Variants in IGSF9B observed in about 807,000 individuals in gnomAD.
The protein encoded by IGSF9B is immunoglobulin superfamily member 9B, also known as protein turtle homolog B.
Under a neutral mutation model 143.7 loss-of-function variants are expected in IGSF9B, and 48 were observed. The observed-to-expected ratio is 0.33, with a 90% CI of 0.26 to 0.42. The LOEUF (loss-of-function observed/expected upper bound fraction) is 0.42, where lower values mean the gene tolerates loss of function less well. Ranked by LOEUF, IGSF9B falls within the 20% of genes least tolerant of loss-of-function variation. IGSF9B has a pLI of 1.00. For missense variants in IGSF9B, 1,706 were observed against 1,980.0 expected (o/e 0.86, Z 2.63); for synonymous variants, 903 against 833.1 (o/e 1.08, Z -1.44).
rs372373214 is a variant in IGSF9B at position 133,953,303 on chromosome 11, G to A, written c.64+3388C>T. Among the ~76,000 whole-genome samples, 2 of 152,338 alleles carry A rather than the reference G, an allele frequency of 1.3e-5. No homozygotes were observed. Among genetic ancestry groups the A allele is most frequent in the African/African-American group, 4.8e-5 (2 of 41,584 alleles). Reference sequence around the variant, plus strand: ...CATGCAGGGCCACAGGCCCGCGGCTGAAAGCTGATTGCCCTCTGCCCCTCA... The same window carrying A: ...CATGCAGGGCCACAGGCCCGCGGCTAAAAGCTGATTGCCCTCTGCCCCTCA... On this transcript the variant is annotated intron_variant, in intron 1 of 19. Transcript: ENST00000533871. The surrounding 1 kb of genome is among the most constrained non-coding windows in gnomAD (Gnocchi z 4.2).
Position 133,935,860 on chromosome 11 carries a change from CCCATGCCCCTGGCATCCCCAGGG to C in IGSF9B, c.822-121_822-99del, listed in dbSNP as rs1939813206. 5.2e-5 allele frequency: 77 copies of C among 1,474,412 alleles called. No individual in the cohort carries two copies. In the South Asian group the frequency reaches 9.4e-4, roughly 18 times the overall value. 91.3% of individuals were successfully genotyped at this position (1,474,412 alleles called of 1,614,324 possible). A position where few individuals can be genotyped will look rare whatever the true frequency, so the allele number is the denominator to read the frequency against. The stretch of plus-strand genomic sequence containing the variant: ...ACTGCCCCAGATGTGGCATGGAGAG[CCCATGCCCCTGGCATCCCCAGGG>C]CCCCTCCATGCAGACCCTGGCCTTG... On this transcript the variant is annotated intron_variant, in intron 6 of 19. Transcript: ENST00000533871.
chr11:133,951,991 C>A, intron 1 of IGSF9B: 2 of 451,178 alleles, frequency 4.4e-6, no homozygotes, highest in Non-Finnish European at 4.5e-6. Flanking sequence ...CGGGGGCACA[C>A]ACGACCAGGA....
At chr11:133,910,162 C>T (rs1261296126) in intron 19 of IGSF9B, among the ~76,000 whole-genome samples, 1 of 152,082 alleles carries the variant, frequency 6.6e-6, no homozygotes, top group Non-Finnish European at 1.5e-5. Flanking sequence ...AATCTGGTTA[C>T]GATGGGGAGG....
Position 133,903,597 on chromosome 11 carries a change from A to G in IGSF9B, c.*5472T>C, listed in dbSNP as rs1939172722. 6.6e-6 allele frequency among the ~76,000 whole-genome samples: 1 copy of G among 152,188 alleles called. No individual in the cohort carries two copies. The highest frequency in any genetic ancestry group is 2.1e-4 in the South Asian group (1 of 4,830). On this transcript the variant is annotated 3_prime_UTR_variant, in exon 20 of 20. Coordinates refer to ENST00000533871, the MANE Select transcript of IGSF9B (RefSeq NM_001277285.4). ...GATGCTTCATTTATCCTTATCCTACATGGGATCCCTCAGGGGATGGTGGTG... is the reference window on the plus strand; with the variant it reads ...GATGCTTCATTTATCCTTATCCTACGTGGGATCCCTCAGGGGATGGTGGTG...
chr11:133,951,076 G>T (rs1343925257), intron 1 of IGSF9B, among the ~76,000 whole-genome samples: 1 of 152,118 alleles, frequency 6.6e-6, no homozygotes, highest in Non-Finnish European at 1.5e-5. Flanking sequence ...CAGGAAGCCG[G>T]CAGACCCGGG....
Position 133,909,780 on chromosome 11 carries a change from C to A in IGSF9B, c.4106-503G>T, listed in dbSNP as rs958731907. Among the ~76,000 whole-genome samples, 2 of 152,230 alleles carry A rather than the reference C, an allele frequency of 1.3e-5. No individual in the cohort carries two copies. Among genetic ancestry groups the A allele is most frequent in the Admixed American group, 6.5e-5 (1 of 15,284 alleles). On this transcript the variant is annotated intron_variant, in intron 19 of 19. Transcript: ENST00000533871. This position sits in a 1 kb window ranked among gnomAD's most constrained non-coding sequence, Gnocchi z 4.2. ...CCCTTCTGGAGATTAATCAGGAATG[C>A]CTTTGCTAGCTTCAAAGACTATGCA...
Position 133,926,905 on chromosome 11 carries a change from C to T in IGSF9B, c.1807+11G>A, listed in dbSNP as rs778896182. The T allele has an allele frequency of 7.7e-6, 12 of 1,568,440 alleles. No homozygotes were observed. The highest frequency in any genetic ancestry group is 2.3e-5 in the East Asian group (1 of 42,678). On this transcript the variant is annotated intron_variant, in intron 13 of 19. Transcript: ENST00000533871. ...AACCCCCGCTCCCAACATCCCACCC[C>T]GGGCCCTCACCTAAAGTGTTCACAG...
At chr11:133,942,490 G>T (rs1038021064) in intron 3 of IGSF9B, among the ~76,000 whole-genome samples, 2 of 152,172 alleles carry the variant, frequency 1.3e-5, no homozygotes, top group African/African-American at 4.8e-5. Context: ...ACATAAAATT[G>T]AAGTGAGATT....
In IGSF9B at chr11:133,913,485, A is replaced by C. The variant is rs1028463403; in HGVS notation, c.3984-1478T>G. Among the ~76,000 whole-genome samples the C allele has an allele frequency of 6.6e-6, 1 of 152,220 alleles. No homozygotes were observed. On this transcript the variant is annotated intron_variant, in intron 18 of 19. Coordinates refer to ENST00000533871, the MANE Select transcript of IGSF9B (RefSeq NM_001277285.4). The surrounding 1 kb of genome is among the most constrained non-coding windows in gnomAD (Gnocchi z 4.6). ...ATGCACTGGCAATGCAGTGACCTCCATCTTCCTGGGGGATGTCATCATTCT... is the reference window on the plus strand; with the variant it reads ...ATGCACTGGCAATGCAGTGACCTCCCTCTTCCTGGGGGATGTCATCATTCT...
intron 3 of IGSF9B, among the ~76,000 whole-genome samples, chr11:133,941,878 T>C (rs544504169): frequency 6.6e-6 from 1 of 152,258 alleles, no homozygotes; most frequent in African/African-American, 2.4e-5. Flanking sequence ...CCTAGCCAGG[T>C]CTCTGAAGAG....
rs769165464 is a variant in IGSF9B, at chr11:133,901,968, TCA to T, written c.*7099_*7100del. ...ACACATCACACACATGCACACCGCATCACACACATGCACACCAGACACATCAC... is the reference window on the plus strand; with the variant it reads ...ACACATCACACACATGCACACCGCATCACACATGCACACCAGACACATCAC... On this transcript the variant is annotated 3_prime_UTR_variant, in exon 20 of 20. Transcript: ENST00000533871. 3.8e-5 allele frequency among the ~76,000 whole-genome samples: 4 copies of T among 104,456 alleles called. No individual in the cohort carries two copies. Among genetic ancestry groups the T allele is most frequent in the Non-Finnish European group, 5.7e-5 (3 of 52,462 alleles). 68.5% of individuals were successfully genotyped at this position (104,456 alleles called of 152,430 possible). A position where few individuals can be genotyped will look rare whatever the true frequency, so the allele number is the denominator to read the frequency against.
At chr11:133,949,692 T>C (rs1263787803) in intron 1 of IGSF9B, among the ~76,000 whole-genome samples, 1 of 105,104 alleles carries the variant, frequency 9.5e-6, no homozygotes, top group South Asian at 3.0e-4. Context: ...AGAGCCTGGG[T>C]GGGGGCAGAT....
chr11:133,939,947 ACACCT>A (rs1359479962), intron 3 of IGSF9B, among the ~76,000 whole-genome samples: 2 of 144,680 alleles, frequency 1.4e-5, no homozygotes, highest in African/African-American at 5.2e-5. Context: ...GCAAAAACAC[ACACCT>A]CGCATGTCCT....
intron 1 of IGSF9B, among the ~76,000 whole-genome samples, chr11:133,954,924 CTTCT>C (rs1345157177): frequency 2.6e-5 from 4 of 152,210 alleles, no homozygotes; most frequent in Admixed American, 2.6e-4. Flanking sequence ...GAAGCCCTTC[CTTCT>C]ATCTTGCGAT....
chr11:133,919,125 GGGGT>G, intron 18 of IGSF9B: 6 of 345,288 alleles, frequency 1.7e-5, no homozygotes, highest in Admixed American at 3.2e-5. Flanking sequence ...ATACGGGGGG[GGGGT>G]GGGGGACGTG....
At chr11:133,910,197 TTGTG>T (rs1422243538) in intron 19 of IGSF9B, among the ~76,000 whole-genome samples, 1 of 152,112 alleles carries the variant, frequency 6.6e-6, no homozygotes, top group African/African-American at 2.4e-5. Context: ...GTGTGTGTGT[TTGTG>T]TATGTGCACA....
At position 133,931,694 on chromosome 11, in the gene IGSF9B, C is replaced by T. The variant is rs757664932; in HGVS notation, c.1212G>A (p.Gly404=). The change falls in exon 9 of 20, where the codon GGG becomes GGA. Residue 404 remains glycine, a synonymous_variant. Coordinates refer to ENST00000533871, the MANE Select transcript of IGSF9B (RefSeq NM_001277285.4). The surrounding 1 kb of genome is among the most constrained non-coding windows in gnomAD (Gnocchi z 7.7). The part of the protein sequence containing the change: ...TYTCVPYNTL[G]TMGQSAPARL... ...TCGCAGGGGCAGACTGGCCCATGGT[C>T]CCCAGAGTGTTGTAAGGCACACAGG... 5.6e-6 allele frequency: 9 copies of T among 1,611,986 alleles called. No homozygotes were observed. Among genetic ancestry groups the T allele is most frequent in the East Asian group, 2.2e-5 (1 of 44,874 alleles).
At chr11:133,912,314 T>C (rs2121271409) in intron 18 of IGSF9B, 1 of 529,936 alleles carries the variant, frequency 1.9e-6, no homozygotes, top group Non-Finnish European at 3.6e-6. Context: ...TAACGCAAGC[T>C]GGGATGCATT....
chr11:133,937,480 C>G lies in IGSF9B; in HGVS notation c.575G>C (p.Ser192Thr). 1.9e-6 allele frequency: 3 copies of G among 1,613,616 alleles called. No homozygotes were observed. Among genetic ancestry groups the G allele is most frequent in the Non-Finnish European group, 2.5e-6 (3 of 1,179,656 alleles). The change falls in exon 5 of 20, where the codon AGC (serine) becomes ACC (threonine). Residue 192 changes from serine to threonine, a missense_variant. Ser to Thr is a moderately conservative substitution (Grantham distance 58). Around this residue, in one of 7 missense-constraint regions of IGSF9B, gnomAD observed 238 missense variants for 452.6 expected, o/e 0.53. Transcript: ENST00000533871. ...CCGACTGACCGATGTCACTGTCAGG[C>G]TGCCGTCACTCACCTGGGAGCCCAA... ...ASGKYQVSDG[S>T]LTVTSVSRED...
Sources: allele counts gnomAD v4.1 joint callset (sites outside exome capture counted in the v4.1 genomes callset), GRCh38; gene constraint gnomAD v4.1.1; regional missense constraint gnomAD v4.1.1; non-coding constraint Gnocchi (gnomAD v3.1); transcripts MANE v1.5; gene names NCBI Gene and HGNC (gene_info 2026-07-23, HGNC 2026-07-21).